SBK1: variants seen among roughly 807,000 people sequenced by gnomAD.
SBK1 encodes the protein serine/threonine-protein kinase SBK1.
A neutral mutation model predicts 24.4 loss-of-function variants in SBK1; 11 were observed. That is an observed-to-expected ratio of 0.45 (90% CI 0.28 to 0.75). The LOEUF is 0.75. Among genes scored for constraint, SBK1 ranks in the 30% least tolerant of loss-of-function variants. The pLI is 0.12. For missense variants in SBK1, 467 were observed against 620.5 expected (o/e 0.75, Z 2.63); for synonymous variants, 308 against 284.4 (o/e 1.08, Z -0.83).
chr16:28,297,734 G>A (rs1227833812), intron 1 of SBK1, among the ~76,000 whole-genome samples: 1 of 152,188 alleles, frequency 6.6e-6, no homozygotes, highest in East Asian at 1.9e-4. Context: ...CTAACTATTG[G>A]CCCTTATTAA....
upstream of SBK1, among the ~76,000 whole-genome samples, chr16:28,287,818 C>A (rs2044576176): frequency 6.6e-6 from 1 of 152,134 alleles, no homozygotes; most frequent in Non-Finnish European, 1.5e-5. Context: ...TGCGTGCCAC[C>A]ATGCCCAGCT....
At position 28,320,016 on chromosome 16, in the gene SBK1, G is replaced by T. The variant is rs111706095; in HGVS notation, c.430-60G>T. ...TTGCTAGAGAGGGAGCTGGAGGGGAGGGCGGCGGGGCGGGCGCTGGAGAGC... is the reference window on the plus strand; with the variant it reads ...TTGCTAGAGAGGGAGCTGGAGGGGATGGCGGCGGGGCGGGCGCTGGAGAGC... On this transcript the variant is annotated intron_variant, in intron 3 of 3. Transcript: ENST00000341901. This position sits in a 1 kb window ranked among gnomAD's most constrained non-coding sequence, Gnocchi z 8.5. 4.3e-6 allele frequency: 6 copies of T among 1,411,068 alleles called. No homozygotes were observed. The highest frequency in any genetic ancestry group is 4.6e-6 in the Non-Finnish European group (5 of 1,085,958). 87.4% of individuals were successfully genotyped at this position (1,411,068 alleles called of 1,614,324 possible).
intron 1 of SBK1, among the ~76,000 whole-genome samples, chr16:28,273,099 C>T (rs1382443157): frequency 3.3e-5 from 5 of 151,458 alleles, no homozygotes; most frequent in African/African-American, 9.7e-5. Flanking sequence ...TTTTTAGAGA[C>T]AGGGTCTCAT....
chr16:28,321,206 CA>C lies in SBK1; in HGVS notation c.*286del. 1 of 185,728 alleles carries C rather than the reference CA, an allele frequency of 5.4e-6. No individual in the cohort carries two copies. Among genetic ancestry groups the C allele is most frequent in the Middle Eastern group, 2.1e-3 (1 of 484 alleles). The allele number at this position is 185,728 out of a possible 1,614,324, so 11.5% of individuals were successfully genotyped here. ...CAACACACACACACACACACACACA[CA>C]CACACACACACACACACACACACAC... On this transcript the variant is annotated 3_prime_UTR_variant, in exon 4 of 4. Coordinates refer to ENST00000341901, the MANE Select transcript of SBK1 (RefSeq NM_001024401.3).
intron 1 of SBK1, among the ~76,000 whole-genome samples, chr16:28,270,000 T>A (rs1259466565): frequency 6.6e-6 from 1 of 152,170 alleles, no homozygotes; most frequent in East Asian, 1.9e-4. Flanking sequence ...TCAAGAATCA[T>A]AATGGCATCG....
intron 1 of SBK1, chr16:28,285,918 A>G (rs2044562981): frequency 6.6e-6 from 1 of 152,282 alleles, no homozygotes; most frequent in African/African-American, 2.4e-5. Flanking sequence ...TGATGTCACA[A>G]AGAAGCAGGT....
intron 1 of SBK1, among the ~76,000 whole-genome samples, chr16:28,295,495 C>T (rs1002587548): frequency 4.6e-5 from 7 of 152,050 alleles, no homozygotes; most frequent in African/African-American, 7.2e-5. Context: ...GAGGTAGTGG[C>T]GTGTGTCTAC....
chr16:28,300,747 C>T (rs2044673021), intron 1 of SBK1, among the ~76,000 whole-genome samples: 1 of 152,214 alleles, frequency 6.6e-6, no homozygotes, highest in Non-Finnish European at 1.5e-5. Context: ...CTTATACTTT[C>T]AGTGGCTCAT....
rs1480226744 is a variant in SBK1, at chr16:28,293,208, G to A, written c.-100G>A. 4.1e-6 allele frequency: 4 copies of A among 985,384 alleles called. No homozygotes were observed. The highest frequency in any genetic ancestry group is 1.7e-5 in the African/African-American group (1 of 57,236). 61.0% of individuals were successfully genotyped at this position (985,384 alleles called of 1,614,324 possible). A position where few individuals can be genotyped will look rare whatever the true frequency, so the allele number is the denominator to read the frequency against. Reference sequence around the variant, plus strand: ...CGGCACCGCTTGCACCCCGGTCCATGGTCGTGGCGCCCTGAGCCCCCGGGG... The same window carrying A: ...CGGCACCGCTTGCACCCCGGTCCATAGTCGTGGCGCCCTGAGCCCCCGGGG... On this transcript the variant is annotated 5_prime_UTR_variant, in exon 1 of 4. The change abolishes an upstream ATG in the 5' untranslated region. Coordinates refer to ENST00000341901, the MANE Select transcript of SBK1 (RefSeq NM_001024401.3).
At chr16:28,300,659 G>A (rs1452036510) in intron 1 of SBK1, among the ~76,000 whole-genome samples, 1 of 152,228 alleles carries the variant, frequency 6.6e-6, no homozygotes, top group Non-Finnish European at 1.5e-5. Flanking sequence ...TTCCTGAACT[G>A]TAAAGGATGT....
chr16:28,309,842 G>A (rs963918138), intron 1 of SBK1, among the ~76,000 whole-genome samples: 4 of 152,192 alleles, frequency 2.6e-5, no homozygotes, highest in African/African-American at 9.7e-5. Flanking sequence ...GTGTATACAC[G>A]TGTGTCTGTG....
At chr16:28,273,633 C>G (rs2044480255) in intron 1 of SBK1, among the ~76,000 whole-genome samples, 1 of 151,398 alleles carries the variant, frequency 6.6e-6, no homozygotes, top group Admixed American at 6.6e-5. Flanking sequence ...GGGGTTATGC[C>G]GTGTTACCCA....
In SBK1 at chr16:28,319,207, ATGGTGGCATAGGG is replaced by A. The variant is rs1567681054; in HGVS notation, c.429+14_429+26del. 1 of 1,611,112 alleles carries A rather than the reference ATGGTGGCATAGGG, an allele frequency of 6.2e-7. No individual in the cohort carries two copies. Among genetic ancestry groups the A allele is most frequent in the Admixed American group, 1.7e-5 (1 of 59,992 alleles). On this transcript the variant is annotated intron_variant, in intron 3 of 3. Coordinates refer to ENST00000341901, the MANE Select transcript of SBK1 (RefSeq NM_001024401.3). This position sits in a 1 kb window ranked among gnomAD's most constrained non-coding sequence, Gnocchi z 4.0. ...CATCATCCCTCCCCAGGTACTCGGG[ATGGTGGCATAGGG>A]TGGGGAAAGGGTCTTCAGGGTCCCA...
At chr16:28,261,478 C>CACAA (rs1426994495) in intron 1 of SBK1, among the ~76,000 whole-genome samples, 7 of 138,076 alleles carry the variant, frequency 5.1e-5, no homozygotes, top group African/African-American at 1.9e-4. Context: ...CACACACACA[C>CACAA]AATTAGCCAG....
intron 1 of SBK1, among the ~76,000 whole-genome samples, chr16:28,263,449 G>A (rs570509953): frequency 8.5e-5 from 13 of 152,194 alleles, no homozygotes; most frequent in Non-Finnish European, 1.3e-4. Flanking sequence ...CAGCAGTGGG[G>A]AGACGGGTAG....
At chr16:28,281,045 G>A (rs914619051) in intron 1 of SBK1, among the ~76,000 whole-genome samples, 4 of 152,020 alleles carry the variant, frequency 2.6e-5, no homozygotes, top group African/African-American at 9.7e-5. Flanking sequence ...ACCCAGTGGC[G>A]ACCTTGGTGA....
At position 28,319,090 on chromosome 16, in the gene SBK1, C is replaced by T; in HGVS notation, c.322C>T (p.Pro108Ser). Residue 108 changes from proline to serine, a missense_variant, in exon 3 of 4, where the codon CCC becomes TCC. Transcript: ENST00000341901. This position sits in a 1 kb window ranked among gnomAD's most constrained non-coding sequence, Gnocchi z 4.0. Reference protein sequence around the residue: ...VSITNSLSSSPFIIKVFDVVF... With the variant: ...VSITNSLSSSSFIIKVFDVVF... Reference sequence around the variant, plus strand: ...CATCACCAACAGCCTCTCCTCCAGCCCCTTCATCATCAAGGTCTTTGACGT... The same window carrying T: ...CATCACCAACAGCCTCTCCTCCAGCTCCTTCATCATCAAGGTCTTTGACGT... 6.2e-7 allele frequency: 1 copy of T among 1,613,992 alleles called. No individual in the cohort carries two copies. The highest frequency in any genetic ancestry group is 1.7e-4 in the Middle Eastern group (1 of 6,060).
chr16:28,264,259 G>A (rs1237546934), intron 1 of SBK1, among the ~76,000 whole-genome samples: 1 of 152,166 alleles, frequency 6.6e-6, no homozygotes, highest in African/African-American at 2.4e-5. Context: ...TGGGTGATGG[G>A]CAGATTCGAG....
chr16:28,313,150 C>G (rs969258884), intron 1 of SBK1, among the ~76,000 whole-genome samples: 3 of 152,060 alleles, frequency 2.0e-5, no homozygotes, highest in African/African-American at 7.2e-5. Context: ...AAAAAATTAT[C>G]TGGGCGTGGT....
Sources: allele counts gnomAD v4.1 joint callset (sites outside exome capture counted in the v4.1 genomes callset), GRCh38; gene constraint gnomAD v4.1.1; non-coding constraint Gnocchi (gnomAD v3.1); transcripts MANE v1.5; gene names NCBI Gene and HGNC (gene_info 2026-07-23, HGNC 2026-07-21).